The following NAALADL1 variants were observed in gnomAD, a reference collection of about 807,000 sequenced individuals.
The protein encoded by NAALADL1 is N-acetylated alpha-linked acidic dipeptidase like 1.
Under a neutral mutation model 82.8 loss-of-function variants are expected in NAALADL1, and 77 were observed. The ratio of observed to expected loss-of-function variants is 0.93; its 90% confidence interval spans 0.77 to 1.12. NAALADL1 has a LOEUF of 1.12. NAALADL1 is among the 50% of genes most tolerant of loss of function. NAALADL1 has a pLI of 0.00. For synonymous variants in NAALADL1, 358 were observed against 399.2 expected (o/e 0.90, Z 1.23); for missense variants, 956 against 964.0 (o/e 0.99, Z 0.11).
chr11:65,048,678 C>T (rs1183128294), intron 8 of NAALADL1, among the ~76,000 whole-genome samples: 1 of 152,192 alleles, frequency 6.6e-6, no homozygotes, highest in Non-Finnish European at 1.5e-5. Flanking sequence ...CAACCCCCGC[C>T]TCCAGGCCAA....
At position 65,044,960 on chromosome 11, in the gene NAALADL1, T is replaced by G; in HGVS notation, c.*311A>C. On this transcript the variant is annotated 3_prime_UTR_variant, in exon 18 of 18. Coordinates refer to ENST00000358658, the MANE Select transcript of NAALADL1 (RefSeq NM_005468.3). The surrounding 1 kb of genome is among the most constrained non-coding windows in gnomAD (Gnocchi z 4.0). Reference sequence around the variant, plus strand: ...TCACTTTCGCCACTGGTCCTTGGCCTTGATGACCTGAGTTGGCATCTGAGG... The same window carrying G: ...TCACTTTCGCCACTGGTCCTTGGCCGTGATGACCTGAGTTGGCATCTGAGG... 1.6e-6 allele frequency: 1 copy of G among 630,602 alleles called. No homozygotes were observed. The highest frequency in any genetic ancestry group is 2.7e-6 in the Non-Finnish European group (1 of 369,182). The allele number at this position is 630,602 out of a possible 1,614,324, so 39.1% of individuals were successfully genotyped here.
At chr11:65,047,843 A>G in intron 11 of NAALADL1, 105 bp from the exon 12 acceptor site, 4 of 1,469,844 alleles carry the variant, frequency 2.7e-6, no homozygotes, top group Non-Finnish European at 3.7e-6. Context: ...AGTCCTTACG[A>G]GGCTTGCCCC....
In NAALADL1 at chr11:65,048,147, C is replaced by T. The variant is rs755471932; in HGVS notation, c.1348+5G>A. On this transcript the variant is annotated splice_donor_5th_base_variant and intron_variant, in intron 10 of 17. Coordinates refer to ENST00000358658, the MANE Select transcript of NAALADL1 (RefSeq NM_005468.3). ...CTCCCCTTTCCTGCCCCACCACCCA[C>T]ATACCAAACACCGAGATGTCCACGT... is the stretch of plus-strand genomic sequence containing the variant. 1.2e-6 allele frequency: 2 copies of T among 1,614,082 alleles called. No homozygotes were observed. Among genetic ancestry groups the T allele is most frequent in the Non-Finnish European group, 1.7e-6 (2 of 1,180,020 alleles).
At chr11:65,051,697 T>C (rs1478387481) in intron 8 of NAALADL1, among the ~76,000 whole-genome samples, 1 of 151,970 alleles carries the variant, frequency 6.6e-6, no homozygotes, top group Non-Finnish European at 1.5e-5. Context: ...TTGACAGCAG[T>C]GGCGTGTTTG....
intron 11 of NAALADL1, 76 bp downstream of exon 11, chr11:65,047,905 C>A: frequency 7.9e-7 from 1 of 1,272,954 alleles, no homozygotes; most frequent in South Asian, 1.4e-5. Context: ...CCAGCCCCGC[C>A]CACCCGTAGC....
chr11:65,053,311 G>A lies in NAALADL1; in HGVS notation c.1105C>T (p.Arg369Ter), dbSNP rs200140662. ...ACAGCCCCGTGCACCCAGCTGTCTC[G>A]GTGGTTCCCATACAGCACGTAGCGA... ...PDRYVLYGNH[R>*]DSWVHGAVDP... Residue 369 changes from arginine (R) to a stop codon, truncating the protein, a stop_gained, in exon 8 of 18, where the codon CGA becomes TGA. Coordinates refer to ENST00000358658, the MANE Select transcript of NAALADL1 (RefSeq NM_005468.3). LOFTEE classifies it high-confidence loss of function. The surrounding 1 kb of genome is among the most constrained non-coding windows in gnomAD (Gnocchi z 4.3). 1.0e-5 allele frequency: 16 copies of A among 1,565,364 alleles called. No homozygotes were observed. The highest frequency in any genetic ancestry group is 1.7e-4 in the Middle Eastern group (1 of 5,820).
chr11:65,049,296 C>T (rs943993646), intron 8 of NAALADL1, among the ~76,000 whole-genome samples: 2 of 152,154 alleles, frequency 1.3e-5, no homozygotes, highest in Admixed American at 6.5e-5. Flanking sequence ...GCTGGGATTA[C>T]AGGTGTGAGC....
chr11:65,058,215 G>T lies in NAALADL1; in HGVS notation c.221C>A (p.Pro74His). ...LSREPHLASS[P>H]RDEDLVQLLL... ...CAGCTGCACCAGGTCCTCATCCCGAGGGCTGGAGGCCAGGTGTGGCTCCCT... is the reference window on the plus strand; with the variant it reads ...CAGCTGCACCAGGTCCTCATCCCGATGGCTGGAGGCCAGGTGTGGCTCCCT... The change falls in exon 2 of 18, where the codon CCT (proline) becomes CAT (histidine). Residue 74 changes from proline to histidine, a missense_variant. Pro to His is a moderately conservative substitution (Grantham distance 77). Transcript: ENST00000358658. 6.2e-7 allele frequency: 1 copy of T among 1,613,742 alleles called. No homozygotes were observed. Among genetic ancestry groups the T allele is most frequent in the Non-Finnish European group, 8.5e-7 (1 of 1,179,820 alleles).
intron 4 of NAALADL1, among the ~76,000 whole-genome samples, chr11:65,055,192 GGATCACCTGAGGTCAAGACCAGCAGGTA>G (rs1947005225): frequency 1.3e-5 from 2 of 152,316 alleles, no homozygotes; most frequent in East Asian, 1.9e-4. Context: ...ACCTGAGGTG[GGATCACCTGAGGTCAAGACCAGCAGGTA>G]GATCACCTGA....
At chr11:65,051,604 TA>T (rs1374512006) in intron 8 of NAALADL1, among the ~76,000 whole-genome samples, 1 of 152,016 alleles carries the variant, frequency 6.6e-6, no homozygotes, top group Non-Finnish European at 1.5e-5. Flanking sequence ...AGTGCAGGGA[TA>T]ACAGGCATGA....
At chr11:65,045,970 C>T in intron 16 of NAALADL1, 56 bp from the exon 17 acceptor site, 1 of 1,611,566 alleles carries the variant, frequency 6.2e-7, no homozygotes, top group Non-Finnish European at 8.5e-7. Flanking sequence ...CAGCTACCAG[C>T]CTGGTATCCT....
chr11:65,057,701 G>C (rs765519633), intron 3 of NAALADL1, among the ~76,000 whole-genome samples, 174 bp downstream of exon 3: 65 of 152,260 alleles, frequency 4.3e-4, no homozygotes, highest in South Asian at 1.0e-3. Context: ...AGAGCCACTA[G>C]TGTTTGTTGA....
chr11:65,061,172 G>A (rs1027276966), upstream of NAALADL1, among the ~76,000 whole-genome samples: 14 of 152,128 alleles, frequency 9.2e-5, no homozygotes, highest in African/African-American at 2.4e-4. Context: ...GTGGCCTCCC[G>A]GACACCATGT....
At position 65,054,310 on chromosome 11, in the gene NAALADL1, A is replaced by T; in HGVS notation, c.932T>A (p.Leu311Gln). Reference protein sequence around the residue: ...TLAPATWQGALGCHYRLGPGF... With the variant: ...TLAPATWQGAQGCHYRLGPGF... ...GGGACCCAACCTGTAGTGGCAGCCC[A>T]GTGCTCCCTGCCAGGTGGCTGGGGC... Residue 311 changes from leucine (L) to glutamine (Q), a missense_variant, in exon 6 of 18, where the codon CTG (leucine) becomes CAG (glutamine). Transcript: ENST00000358658. This position sits in a 1 kb window ranked among gnomAD's most constrained non-coding sequence, Gnocchi z 4.3. 6.2e-7 allele frequency: 1 copy of T among 1,614,154 alleles called. No homozygotes were observed. Among genetic ancestry groups the T allele is most frequent in the Non-Finnish European group, 8.5e-7 (1 of 1,180,026 alleles).
rs780463375 is a variant in NAALADL1 at position 65,045,234 on chromosome 11, T to C, written c.*37A>G. 135 of 1,589,894 alleles carry C rather than the reference T, an allele frequency of 8.5e-5. 1 individual carries two copies. Among genetic ancestry groups the C allele is most frequent in the Non-Finnish European group, 1.1e-4 (132 of 1,166,912 alleles). On this transcript the variant is annotated 3_prime_UTR_variant, in exon 18 of 18. Coordinates refer to ENST00000358658, the MANE Select transcript of NAALADL1 (RefSeq NM_005468.3). ...TCTCAGGAAAGCAGGCAGGAGAGGG[T>C]TGGAGTAAAGGGAGGGCTGAAGAAA...
At position 65,057,859 on chromosome 11, in the gene NAALADL1, G is replaced by A. The variant is rs1352495859; in HGVS notation, c.480+16C>T. 6 of 1,613,028 alleles carry A rather than the reference G, an allele frequency of 3.7e-6. No individual in the cohort carries two copies. The African/African-American group carries it at 6.7e-5, about 18-fold the overall frequency. On this transcript the variant is annotated intron_variant, in intron 3 of 17. Transcript: ENST00000358658. ...AGGGAGCTGGGCCAGAGCAGTAGGG[G>A]GGGTTCTGGGCCCACCTGTGGGGTT...
chr11:65,053,695 G>T lies in NAALADL1; in HGVS notation c.993-119C>A. 1.2e-6 allele frequency: 1 copy of T among 858,146 alleles called. No homozygotes were observed. The highest frequency in any genetic ancestry group is 1.8e-5 in the South Asian group (1 of 56,152). 53.2% of individuals were successfully genotyped at this position (858,146 alleles called of 1,614,324 possible). A position where few individuals can be genotyped will look rare whatever the true frequency, so the allele number is the denominator to read the frequency against. On this transcript the variant is annotated intron_variant, in intron 6 of 17. Coordinates refer to ENST00000358658, the MANE Select transcript of NAALADL1 (RefSeq NM_005468.3). The surrounding 1 kb of genome is among the most constrained non-coding windows in gnomAD (Gnocchi z 4.3). Reference sequence around the variant, plus strand: ...CGTGGCAAGGCCATTCATTGGCCCCGAAGTACCAAGAGAGGCAGCAAGGCT... The same window carrying T: ...CGTGGCAAGGCCATTCATTGGCCCCTAAGTACCAAGAGAGGCAGCAAGGCT...
intron 14 of NAALADL1, 25 bp from the exon 15 acceptor site, chr11:65,046,387 G>A (rs1270619458): frequency 6.2e-7 from 1 of 1,614,170 alleles, no homozygotes; most frequent in Non-Finnish European, 8.5e-7. Flanking sequence ...CAAGGCCAGG[G>A]CTCAGTCTTC....
At position 65,045,912 on chromosome 11, in the gene NAALADL1, G is replaced by C. The variant is rs142938335; in HGVS notation, c.1946C>G (p.Pro649Arg). The change falls in exon 17 of 18, where the codon CCC becomes CGC. Residue 649 changes from proline to arginine, a missense_variant and splice_region_variant. Coordinates refer to ENST00000358658, the MANE Select transcript of NAALADL1 (RefSeq NM_005468.3). Reference sequence around the variant, plus strand: ...GTCATTGAGCATCCGGACCTGCAGGGGGCTGGTGGGGAGGCAGGAACTGCC... The same window carrying C: ...GTCATTGAGCATCCGGACCTGCAGGCGGCTGGTGGGGAGGCAGGAACTGCC... Reference protein sequence around the residue: ...ISTLQKGSPDPLQVRMLNDQL... With the variant: ...ISTLQKGSPDRLQVRMLNDQL... 3.4e-4 allele frequency: 541 copies of C among 1,613,986 alleles called. No individual in the cohort carries two copies. Among genetic ancestry groups the C allele is most frequent in the Non-Finnish European group, 3.7e-4 (432 of 1,179,962 alleles).
Sources: allele counts gnomAD v4.1 joint callset (sites outside exome capture counted in the v4.1 genomes callset), GRCh38; gene constraint gnomAD v4.1.1; non-coding constraint Gnocchi (gnomAD v3.1); transcripts MANE v1.5; gene names NCBI Gene and HGNC (gene_info 2026-07-23, HGNC 2026-07-21).